TTC23: variants seen among roughly 807,000 people sequenced by gnomAD.
TTC23 encodes tetratricopeptide repeat domain 23.
A neutral mutation model predicts 55.1 loss-of-function variants in TTC23; 58 were observed. The observed-to-expected ratio is 1.05, with a 90% confidence interval of 0.85 to 1.31. The LOEUF is 1.31. Among genes scored for constraint, TTC23 ranks in the 50% most tolerant of loss-of-function variants. TTC23 has a pLI of 0.00. For synonymous variants in TTC23, 203 were observed against 199.9 expected, an observed-to-expected ratio of 1.02 and a Z score of -0.13; for missense variants, 516 against 534.4, an observed-to-expected ratio of 0.97 and a Z score of 0.34.
At chr15:99,199,219 TCTGA>T (rs1194640859) in intron 9 of TTC23, among the ~76,000 whole-genome samples, 1 of 152,072 alleles carries the variant, frequency 6.6e-6, no homozygotes, top group Admixed American at 6.6e-5. Context: ...AGAAATCCTG[TCTGA>T]GTTTCCCCTG....
chr15:99,247,683 G>C (rs1010271124), intron 1 of TTC23, among the ~76,000 whole-genome samples: 4 of 152,096 alleles, frequency 2.6e-5, no homozygotes, highest in African/African-American at 9.7e-5. Flanking sequence ...TTAGTGATTG[G>C]GGCTGGGGAT....
At chr15:99,144,974 G>A (rs145443764) in intron 12 of TTC23, 2 of 152,346 alleles carry the variant, frequency 1.3e-5, no homozygotes, top group African/African-American at 2.4e-5. Flanking sequence ...ACGTGGAAGC[G>A]TGAAATGTGA....
At chr15:99,171,715 A>AC (rs2072966814) in intron 10 of TTC23, among the ~76,000 whole-genome samples, 1 of 151,646 alleles carries the variant, frequency 6.6e-6, no homozygotes, top group Non-Finnish European at 1.5e-5. Flanking sequence ...GGTGCGCAAC[A>AC]CAACACCCAG....
At chr15:99,197,191 C>T (rs1326280453) in intron 9 of TTC23, among the ~76,000 whole-genome samples, 4 of 152,104 alleles carry the variant, frequency 2.6e-5, no homozygotes, top group Non-Finnish European at 4.4e-5. Flanking sequence ...CAAGCTCCGC[C>T]TCCCAGGCTC....
At chr15:99,163,413 G>A (rs570194835) in intron 10 of TTC23, among the ~76,000 whole-genome samples, 1 of 152,312 alleles carries the variant, frequency 6.6e-6, no homozygotes, top group South Asian at 2.1e-4. Flanking sequence ...GCTCATAACA[G>A]GAACGAACTT....
At chr15:99,162,294 T>C (rs1388652673) in intron 10 of TTC23, among the ~76,000 whole-genome samples, 1 of 152,182 alleles carries the variant, frequency 6.6e-6, no homozygotes, top group Non-Finnish European at 1.5e-5. Flanking sequence ...TACATATTTC[T>C]AAAACATGAA....
At chr15:99,141,319 A>T (rs185206787) in intron 12 of TTC23, among the ~76,000 whole-genome samples, 1 of 152,320 alleles carries the variant, frequency 6.6e-6, no homozygotes, top group East Asian at 1.9e-4. Flanking sequence ...ACGACAGATG[A>T]ATGCATATAA....
intron 5 of TTC23, among the ~76,000 whole-genome samples, chr15:99,222,853 C>T (rs1017944158): frequency 1.3e-5 from 2 of 151,986 alleles, no homozygotes; most frequent in Admixed American, 6.6e-5. Context: ...AAAAATTAGC[C>T]AGGCATGGTG....
intron 7 of TTC23, 91 bp downstream of exon 7, chr15:99,218,807 T>C (rs1170727774): frequency 1.9e-6 from 3 of 1,598,024 alleles, no homozygotes; most frequent in Non-Finnish European, 2.6e-6. Context: ...TCACACTTCC[T>C]AAGTCATCCA....
At chr15:99,139,767 G>A (rs1567303596) in intron 12 of TTC23, 2 of 1,302,526 alleles carry the variant, frequency 1.5e-6, no homozygotes, top group Admixed American at 2.4e-5. Context: ...TAAAAAAATA[G>A]TTTTGTTTTT....
intron 1 of TTC23, among the ~76,000 whole-genome samples, chr15:99,247,163 C>T (rs575768396): frequency 2.8e-4 from 42 of 152,230 alleles, no homozygotes; most frequent in South Asian, 8.3e-4. Context: ...TAAGACAGAT[C>T]ATAAGGAGTG....
At position 99,182,808 on chromosome 15, in the gene TTC23, T is replaced by A. The variant is rs548905508; in HGVS notation, c.760-7653A>T. On this transcript the variant is annotated intron_variant, in intron 9 of 13. Transcript: ENST00000394132. Reference sequence around the variant, plus strand: ...AAAACAAAGAACATGTATCATTTTTTAAAAAAAGTAGTTATTACTTAAAAA... The same window carrying A: ...AAAACAAAGAACATGTATCATTTTTAAAAAAAAGTAGTTATTACTTAAAAA... Among the ~76,000 whole-genome samples the A allele has an allele frequency of 4.7e-5, 7 of 147,872 alleles. 1 individual carries two copies. Among genetic ancestry groups the A allele is most frequent in the Middle Eastern group, 3.4e-3 (1 of 290 alleles).
chr15:99,157,544 T>A (rs1362357961), intron 11 of TTC23: 1 of 152,176 alleles, frequency 6.6e-6, no homozygotes, highest in African/African-American at 2.4e-5. Flanking sequence ...CATGCTTTTC[T>A]CCCTCTGTCC....
In TTC23 at chr15:99,147,521, A is replaced by G. The variant is rs937108732; in HGVS notation, c.1144-8122T>C. Among the ~76,000 whole-genome samples the G allele has an allele frequency of 5.3e-5, 8 of 152,088 alleles. No individual in the cohort carries two copies. The South Asian group carries it at 8.3e-4, about 16-fold the overall frequency. ...ATTACAGGCGTGAGCCACCGCGCCC[A>G]GCCTCCAAATTCATTCTTAACCAAA... On this transcript the variant is annotated intron_variant, in intron 12 of 13. Coordinates refer to ENST00000394132, the MANE Select transcript of TTC23 (RefSeq NM_001288615.3).
intron 5 of TTC23, among the ~76,000 whole-genome samples, chr15:99,224,440 G>A (rs538641107): frequency 3.9e-5 from 6 of 152,130 alleles, no homozygotes; most frequent in African/African-American, 4.8e-5. Context: ...AACAATTTAC[G>A]AATAACTTCT....
intron 3 of TTC23, among the ~76,000 whole-genome samples, chr15:99,235,887 T>C (rs1238175515): frequency 6.6e-6 from 1 of 152,240 alleles, no homozygotes; most frequent in Non-Finnish European, 1.5e-5. Context: ...GTACTTTGTA[T>C]GTGTGGAATT....
rs1597047396 is a variant in TTC23, at chr15:99,241,832, T to C, written c.-308-273A>G. On this transcript the variant is annotated intron_variant, in intron 2 of 13. Coordinates refer to ENST00000394132, the MANE Select transcript of TTC23 (RefSeq NM_001288615.3). ...CAGGGGCCCTCAGGGCAGTGGCTTT[T>C]AGGAAATAAAAAACCTCATCAATCA... Among the ~76,000 whole-genome samples the C allele has an allele frequency of 2.0e-5, 3 of 152,138 alleles. No homozygotes were observed. The East Asian group carries it at 5.8e-4, about 29-fold the overall frequency.
At chr15:99,162,532 A>T (rs2071512755) in intron 10 of TTC23, among the ~76,000 whole-genome samples, 1 of 152,184 alleles carries the variant, frequency 6.6e-6, no homozygotes, top group South Asian at 2.1e-4. Context: ...GCATATTAGA[A>T]AAAAGGTCCA....
chr15:99,230,033 A>G (rs909977003), intron 4 of TTC23, among the ~76,000 whole-genome samples: 7 of 152,240 alleles, frequency 4.6e-5, no homozygotes, highest in Admixed American at 4.6e-4. Context: ...GCATCCAAAG[A>G]TTACCAAGCA....
Sources: gnomAD v4.1 joint callset for allele counts (sites outside exome capture counted in the v4.1 genomes callset) on GRCh38, gnomAD v4.1.1 for gene constraint, MANE v1.5 for transcripts, NCBI Gene and HGNC (gene_info 2026-07-23, HGNC 2026-07-21) for gene names.